The following CNTN5 variants were observed in gnomAD, a reference collection of about 807,000 sequenced individuals.
CNTN5 encodes the protein contactin 5.
In CNTN5, 77 loss-of-function variants were observed where a neutral mutation model predicts 129.1. The ratio of observed to expected loss-of-function variants is 0.60; its 90% CI spans 0.50 to 0.72. The LOEUF (loss-of-function observed/expected upper bound fraction) is 0.72, where lower values mean the gene tolerates loss of function less well. Among genes scored for constraint, CNTN5 ranks in the 30% least tolerant of loss-of-function variants. The pLI is 0.00. For synonymous variants in CNTN5, 509 were observed against 465.6 expected (o/e 1.09, Z -1.20); for missense variants, 1,478 against 1,328.8 (o/e 1.11, Z -1.75).
chr11:99,284,625 G>A (rs1863848866), intron 1 of CNTN5, among the ~76,000 whole-genome samples: 2 of 121,624 alleles, frequency 1.6e-5, no homozygotes, highest in Non-Finnish European at 3.8e-5. Flanking sequence ...GTGTGTGTGT[G>A]TGTGTGTGTG....
intron 13 of CNTN5, among the ~76,000 whole-genome samples, chr11:100,124,235 C>T (rs544321931): frequency 1.3e-5 from 2 of 152,136 alleles, no homozygotes; most frequent in East Asian, 1.9e-4. Context: ...TGAGCCCAGG[C>T]ATTATGACTC....
At chr11:99,432,459 T>TCTTTC (rs770789360) in intron 2 of CNTN5, among the ~76,000 whole-genome samples, 8 of 111,264 alleles carry the variant, frequency 7.2e-5, no homozygotes, top group Non-Finnish European at 1.0e-4. Flanking sequence ...TCTTTTCTTT[T>TCTTTC]CTTTCCTTTT....
intron 13 of CNTN5, among the ~76,000 whole-genome samples, chr11:100,144,224 A>T (rs1385977433): frequency 6.6e-6 from 1 of 151,938 alleles, no homozygotes; most frequent in Non-Finnish European, 1.5e-5. Context: ...TTTTTATTTT[A>T]TTTTTTTATT....
chr11:99,572,251 C>T (rs897879407), intron 3 of CNTN5, among the ~76,000 whole-genome samples: 8 of 152,084 alleles, frequency 5.3e-5, no homozygotes, highest in South Asian at 2.1e-4. Flanking sequence ...CCATCGCTAA[C>T]GATAGCTGAT....
At chr11:99,490,847 C>A (rs2135348312) in intron 2 of CNTN5, among the ~76,000 whole-genome samples, 1 of 152,164 alleles carries the variant, frequency 6.6e-6, no homozygotes, top group African/African-American at 2.4e-5. Context: ...TTCTGAGTCC[C>A]ATGGAGCCAT....
intron 3 of CNTN5, among the ~76,000 whole-genome samples, chr11:99,713,724 T>C (rs1955099692): frequency 6.6e-6 from 1 of 151,980 alleles, no homozygotes; most frequent in South Asian, 2.1e-4. Context: ...TAGAAATACT[T>C]GCACTTTTAA....
At chr11:100,157,051 CT>C (rs1321940032) in intron 13 of CNTN5, among the ~76,000 whole-genome samples, 3 of 151,938 alleles carry the variant, frequency 2.0e-5, no homozygotes, top group Non-Finnish European at 4.4e-5. Context: ...AATTTGTTTG[CT>C]CTTGCTTCTC....
At chr11:99,967,197 C>T (rs750342971) in intron 8 of CNTN5, among the ~76,000 whole-genome samples, 5 of 152,074 alleles carry the variant, frequency 3.3e-5, no homozygotes, top group African/African-American at 4.8e-5. Flanking sequence ...CAAGGCTATA[C>T]GAAGGAACAG....
chr11:99,910,957 G>A (rs982554378), intron 6 of CNTN5, among the ~76,000 whole-genome samples: 1 of 152,022 alleles, frequency 6.6e-6, no homozygotes, highest in African/African-American at 2.4e-5. Context: ...TTGCAAGTGA[G>A]GCAGCAAATA....
At chr11:99,287,026 T>C (rs932984702) in intron 1 of CNTN5, among the ~76,000 whole-genome samples, 4 of 152,168 alleles carry the variant, frequency 2.6e-5, no homozygotes, top group African/African-American at 9.6e-5. Context: ...AAATTGTGTA[T>C]GCATTGCCTG....
chr11:100,199,658 C>T (rs763275205), intron 15 of CNTN5, among the ~76,000 whole-genome samples: 4 of 151,898 alleles, frequency 2.6e-5, no homozygotes, highest in African/African-American at 4.8e-5. Context: ...TCTCCACTCA[C>T]TGTCTTCTCA....
At chr11:99,303,516 G>C (rs1591494000) in intron 1 of CNTN5, among the ~76,000 whole-genome samples, 1 of 149,662 alleles carries the variant, frequency 6.7e-6, no homozygotes, top group East Asian at 1.9e-4. Flanking sequence ...ACCAAAGATA[G>C]GAAATGGCAC....
At chr11:100,301,882 C>A (rs1232398526) in intron 20 of CNTN5, among the ~76,000 whole-genome samples, 1 of 151,570 alleles carries the variant, frequency 6.6e-6, no homozygotes, top group African/African-American at 2.4e-5. Flanking sequence ...TATTCTAAAA[C>A]ATTATTTTAG....
chr11:99,199,665 T>C (rs539111161), intron 1 of CNTN5, among the ~76,000 whole-genome samples: 28 of 152,250 alleles, frequency 1.8e-4, no homozygotes, highest in African/African-American at 6.5e-4. Flanking sequence ...AATCCAAAAA[T>C]GGCAAAAGAA....
chr11:100,281,499 ACTGTTTT>A (rs1306839634), intron 18 of CNTN5, among the ~76,000 whole-genome samples: 1 of 151,774 alleles, frequency 6.6e-6, no homozygotes, highest in Non-Finnish European at 1.5e-5. Context: ...TCTTTCTCTT[ACTGTTTT>A]TAGGATCTTT....
chr11:99,887,622 A>T (rs1398511712), intron 6 of CNTN5, among the ~76,000 whole-genome samples: 2 of 152,230 alleles, frequency 1.3e-5, no homozygotes, highest in Non-Finnish European at 2.9e-5. Context: ...AAACCTCAAA[A>T]GTAGGAAAGC....
intron 18 of CNTN5, among the ~76,000 whole-genome samples, chr11:100,288,729 G>A (rs1451065042): frequency 6.6e-6 from 1 of 151,706 alleles, no homozygotes; most frequent in East Asian, 1.9e-4. Context: ...ACATTCAAAA[G>A]CTAGCAGAAG....
intron 1 of CNTN5, among the ~76,000 whole-genome samples, chr11:99,177,500 T>C (rs922969228): frequency 6.6e-6 from 1 of 152,158 alleles, no homozygotes; most frequent in Non-Finnish European, 1.5e-5. Flanking sequence ...GATCTGTTTG[T>C]TTTCATGAAA....
chr11:99,632,263 TTATA>T (rs1162104620), intron 3 of CNTN5, among the ~76,000 whole-genome samples: 3 of 152,170 alleles, frequency 2.0e-5, no homozygotes, highest in African/African-American at 7.2e-5. Context: ...TGAAATAAAA[TTATA>T]TACTGTAAAT....
Sources: gnomAD v4.1 joint callset for allele counts (sites outside exome capture counted in the v4.1 genomes callset) on GRCh38, gnomAD v4.1.1 for gene constraint, MANE v1.5 for transcripts, NCBI Gene and HGNC (gene_info 2026-07-23, HGNC 2026-07-21) for gene names.